Variants in GRIK1 observed in about 807,000 individuals in gnomAD.
GRIK1 encodes glutamate receptor ionotropic, kainate 1.
Under a neutral mutation model 105.7 loss-of-function variants are expected in GRIK1, and 69 were observed. The observed-to-expected ratio is 0.65, with a 90% CI of 0.54 to 0.80. The LOEUF (loss-of-function observed/expected upper bound fraction) is 0.80, where lower values mean the gene tolerates loss of function less well. Ranked by LOEUF, GRIK1 falls within the 30% of genes least tolerant of loss-of-function variation. The pLI is 0.00. For missense variants in GRIK1, 1,109 were observed against 1,167.3 expected (o/e 0.95, Z 0.73); for synonymous variants, 438 against 431.3 (o/e 1.02, Z -0.19).
At chr21:29,766,695 T>A (rs940724851) in intron 1 of GRIK1, among the ~76,000 whole-genome samples, 1 of 152,184 alleles carries the variant, frequency 6.6e-6, no homozygotes, top group Non-Finnish European at 1.5e-5. Flanking sequence ...GTGAGCATAG[T>A]ACGATATACT....
At chr21:29,858,557 G>A (rs1048986073) in intron 1 of GRIK1, among the ~76,000 whole-genome samples, 1 of 152,110 alleles carries the variant, frequency 6.6e-6, no homozygotes, top group Non-Finnish European at 1.5e-5. Context: ...TCTCCCAGTT[G>A]CAGCTGGACT....
chr21:29,610,450 T>A (rs1243927456), intron 7 of GRIK1, among the ~76,000 whole-genome samples: 1 of 151,978 alleles, frequency 6.6e-6, no homozygotes, highest in Non-Finnish European at 1.5e-5. Context: ...GATGATGTGA[T>A]GACAGAAATA....
intron 16 of GRIK1, among the ~76,000 whole-genome samples, chr21:29,538,988 T>C (rs999123179): frequency 6.6e-6 from 1 of 152,166 alleles, no homozygotes; most frequent in Non-Finnish European, 1.5e-5. Flanking sequence ...GTTCTTTGAA[T>C]AAAACTTTTT....
chr21:29,786,450 T>A (rs1355243025), intron 1 of GRIK1, among the ~76,000 whole-genome samples: 1 of 152,218 alleles, frequency 6.6e-6, no homozygotes, highest in African/African-American at 2.4e-5. Flanking sequence ...TGGACCTATC[T>A]TTTTGAGGGC....
chr21:29,843,692 T>C (rs1381681013), intron 1 of GRIK1, among the ~76,000 whole-genome samples: 1 of 152,134 alleles, frequency 6.6e-6, no homozygotes, highest in Non-Finnish European at 1.5e-5. Flanking sequence ...AAGAAGAAAA[T>C]CCCAGGAGAA....
intron 1 of GRIK1, among the ~76,000 whole-genome samples, chr21:29,766,942 C>T (rs2065682942): frequency 1.3e-5 from 2 of 152,180 alleles, no homozygotes; most frequent in African/African-American, 4.8e-5. Context: ...GATTGTTTCC[C>T]AAAGACTGAA....
chr21:29,825,692 A>T (rs2067434061), intron 1 of GRIK1, among the ~76,000 whole-genome samples: 2 of 152,128 alleles, frequency 1.3e-5, no homozygotes, highest in Admixed American at 1.3e-4. Context: ...ACAAATGATC[A>T]AAATCTCACA....
chr21:29,699,769 C>T (rs905403881), intron 1 of GRIK1, among the ~76,000 whole-genome samples: 4 of 151,910 alleles, frequency 2.6e-5, no homozygotes, highest in Admixed American at 2.0e-4. Flanking sequence ...CTGCCTCAGC[C>T]TCCCTAGTAG....
chr21:29,753,020 A>C (rs765507441), intron 1 of GRIK1, among the ~76,000 whole-genome samples: 1 of 152,176 alleles, frequency 6.6e-6, no homozygotes, highest in Non-Finnish European at 1.5e-5. Flanking sequence ...AATAATATGC[A>C]CAGCACCCTA....
intron 1 of GRIK1, among the ~76,000 whole-genome samples, chr21:29,752,297 A>T (rs2065226499): frequency 6.6e-6 from 1 of 152,246 alleles, no homozygotes; most frequent in Non-Finnish European, 1.5e-5. Flanking sequence ...TATCCTTAAC[A>T]GTAGCTTTCC....
At chr21:29,667,589 G>A (rs1008174801) in intron 4 of GRIK1, among the ~76,000 whole-genome samples, 2 of 152,114 alleles carry the variant, frequency 1.3e-5, no homozygotes, top group African/African-American at 4.8e-5. Flanking sequence ...AATATTCATT[G>A]CCACTAGTGT....
chr21:29,890,008 A>G (rs184338526), intron 1 of GRIK1, among the ~76,000 whole-genome samples: 3 of 152,274 alleles, frequency 2.0e-5, no homozygotes, highest in Admixed American at 2.0e-4. Context: ...CTCCTGGGAC[A>G]GAGTAATTGT....
At chr21:29,847,163 G>A (rs1168786848) in intron 1 of GRIK1, among the ~76,000 whole-genome samples, 10 of 151,834 alleles carry the variant, frequency 6.6e-5, no homozygotes, top group African/African-American at 2.4e-4. Flanking sequence ...ATAATTCTTA[G>A]CTCTCCGCTC....
At chr21:29,629,175 A>T (rs903117285) in intron 7 of GRIK1, among the ~76,000 whole-genome samples, 12 of 150,374 alleles carry the variant, frequency 8.0e-5, no homozygotes, top group African/African-American at 1.7e-4. Context: ...GTAGTTTTGG[A>T]TAAATGAGGA....
intron 1 of GRIK1, among the ~76,000 whole-genome samples, chr21:29,806,458 C>T (rs2066866952): frequency 6.6e-6 from 1 of 151,958 alleles, no homozygotes; most frequent in East Asian, 1.9e-4. Flanking sequence ...TTATGATAAT[C>T]ATTTTGGCAT....
chr21:29,777,530 G>A (rs75048098), intron 1 of GRIK1, among the ~76,000 whole-genome samples: 2,338 of 152,234 alleles, frequency 0.015, 62 homozygotes, highest in African/African-American at 0.054. Context: ...CATTGAAAAG[G>A]CCCAAGTCAA....
At chr21:29,805,872 T>C (rs1051567716) in intron 1 of GRIK1, among the ~76,000 whole-genome samples, 2 of 152,128 alleles carry the variant, frequency 1.3e-5, no homozygotes, top group African/African-American at 4.8e-5. Context: ...TGCTAAAATA[T>C]ATACCTGGAA....
chr21:29,591,023 G>A lies in GRIK1; in HGVS notation c.1365+89C>T, dbSNP rs1394438856. On this transcript the variant is annotated intron_variant, in intron 10 of 17. Coordinates refer to ENST00000327783, the MANE Select transcript of GRIK1 (RefSeq NM_001330994.2). Reference sequence around the variant, plus strand: ...AAAATAGACATTTGCAGACAGAAGCGTTGGCATGAAAAAGACAGTTGAGGA... The same window carrying A: ...AAAATAGACATTTGCAGACAGAAGCATTGGCATGAAAAAGACAGTTGAGGA... 4.4e-5 allele frequency: 35 copies of A among 791,890 alleles called. 1 individual carries two copies. The highest frequency in any genetic ancestry group is 2.6e-4 in the South Asian group (19 of 73,052). The allele number at this position is 791,890 out of a possible 1,614,324, so 49.1% of individuals were successfully genotyped here. A position where few individuals can be genotyped will look rare whatever the true frequency, so the allele number is the denominator to read the frequency against.
At chr21:29,656,386 A>AAAAAAAAAAAAAAAAAAC (rs2062853500) in intron 4 of GRIK1, among the ~76,000 whole-genome samples, 1 of 143,854 alleles carries the variant, frequency 7.0e-6, no homozygotes, top group Non-Finnish European at 1.5e-5. Flanking sequence ...AAAAAAAAAA[A>AAAAAAAAAAAAAAAAAAC]AAAGAAATGA....
Sources: allele counts gnomAD v4.1 joint callset (sites outside exome capture counted in the v4.1 genomes callset), GRCh38; gene constraint gnomAD v4.1.1; transcripts MANE v1.5; gene names NCBI Gene and HGNC (gene_info 2026-07-23, HGNC 2026-07-21).